Variants in DUSP15 observed in about 807,000 individuals in gnomAD.
DUSP15 encodes dual specificity protein phosphatase 15.
In DUSP15, 23 loss-of-function variants were observed where a neutral mutation model predicts 26.3. That is an observed-to-expected ratio of 0.87 (90% CI 0.63 to 1.24). DUSP15 has a LOEUF of 1.24. Ranked by LOEUF, DUSP15 falls within the 50% of genes most tolerant of loss-of-function variation. DUSP15 has a pLI of 0.00. For synonymous variants in DUSP15, 143 were observed against 135.5 expected (o/e 1.06, Z -0.39); for missense variants, 364 against 320.6 (o/e 1.14, Z -1.03).
exon 10 of DUSP15, chr20:31,848,142 T>A (rs567122024): frequency 8.5e-6 from 4 of 472,202 alleles, no homozygotes; most frequent in Non-Finnish European, 1.5e-5. Flanking sequence ...CAGCAAGAGA[T>A]GAAGTCTTGC....
chr20:31,864,577 G>A (rs752657593), intron 4 of DUSP15: 29 of 560,728 alleles, frequency 5.2e-5, no homozygotes, highest in East Asian at 1.5e-4. Flanking sequence ...GGCCCAGAGC[G>A]GGGAAGTGAT....
At position 31,870,287 on chromosome 20, in the gene DUSP15, C is replaced by G. The variant is rs1473601980; in HGVS notation, c.21+30G>C. 3 of 1,228,872 alleles carry G rather than the reference C, an allele frequency of 2.4e-6. No individual in the cohort carries two copies. Among genetic ancestry groups the G allele is most frequent in the Non-Finnish European group, 3.0e-6 (3 of 985,832 alleles). 76.1% of individuals were successfully genotyped at this position (1,228,872 alleles called of 1,614,324 possible). On this transcript the variant is annotated intron_variant, in intron 1 of 6. Coordinates refer to ENST00000339738, the MANE Select transcript of DUSP15 (RefSeq NM_080611.5). The surrounding 1 kb of genome is among the most constrained non-coding windows in gnomAD (Gnocchi z 6.6). ...GGGCCGCGGCGGCCGGGGCGGGGAC[C>G]GGGGAGGCTGCGCGGGGCCCGCCCC...
At chr20:31,851,880 G>A (rs2062475836) in intron 6 of DUSP15, among the ~76,000 whole-genome samples, 1 of 152,178 alleles carries the variant, frequency 6.6e-6, no homozygotes, top group South Asian at 2.1e-4. Context: ...GAGACAGCCT[G>A]CTATTCCCTG....
downstream of DUSP15, among the ~76,000 whole-genome samples, chr20:31,856,392 C>T (rs150527866): frequency 6.6e-5 from 10 of 151,838 alleles, no homozygotes; most frequent in East Asian, 1.4e-3. Flanking sequence ...AGGGGAGGGT[C>T]GAGGCTAGAT....
downstream of DUSP15, among the ~76,000 whole-genome samples, chr20:31,846,273 AACACAGAGACACAGACACAGACAC>A (rs1029370669): frequency 1.7e-5 from 2 of 114,546 alleles, no homozygotes; most frequent in Non-Finnish European, 3.5e-5. Flanking sequence ...CACACACAGA[AACACAGAGACACAGACACAGACAC>A]ACACACACAC....
At chr20:31,858,603 G>A (rs1184151039), downstream of DUSP15, among the ~76,000 whole-genome samples, 3 of 152,206 alleles carry the variant, frequency 2.0e-5, no homozygotes, top group South Asian at 2.1e-4. This position sits in a 1 kb window ranked among gnomAD's most constrained non-coding sequence, Gnocchi z 4.4. Flanking sequence ...CAAGACCCAC[G>A]CAAGTGGGGT....
At chr20:31,855,701 T>C (rs553888165) in intron 6 of DUSP15, among the ~76,000 whole-genome samples, 1 of 152,288 alleles carries the variant, frequency 6.6e-6, no homozygotes, top group Admixed American at 6.5e-5. Flanking sequence ...CAACCACCCA[T>C]TCAACACTTA....
chr20:31,851,797 G>A (rs939262859), intron 6 of DUSP15, among the ~76,000 whole-genome samples: 1 of 152,106 alleles, frequency 6.6e-6, no homozygotes, highest in African/African-American at 2.4e-5. Flanking sequence ...CACTTCCCAG[G>A]AGCTTCCTTC....
chr20:31,865,050 C>G (rs558397332), intron 3 of DUSP15, 48 bp from the exon 4 acceptor site: 3 of 1,606,418 alleles, frequency 1.9e-6, no homozygotes, highest in Non-Finnish European at 2.6e-6. Context: ...CTGCAACCCT[C>G]CCTGATGCTG....
rs755460266 is a variant in DUSP15, at chr20:31,862,644, G to A, written c.362C>T (p.Thr121Ile). 8 of 1,614,146 alleles carry A rather than the reference G, an allele frequency of 5.0e-6. No individual in the cohort carries two copies. In the East Asian group the frequency reaches 1.3e-4, roughly 27 times the overall value. ...WRDVLEAIKATRPIANPNPGF... is the reference protein window; with the variant it reads ...WRDVLEAIKAIRPIANPNPGF... ...TGGGTTGGGGTTGGCGATGGGCCTG[G>A]TGGCCTTGATGGCTTCAAGCACGTC... The change falls in exon 6 of 7, where the codon ACC becomes ATC. Residue 121 changes from threonine (T) to isoleucine (I), a missense_variant. Thr to Ile is a moderately conservative substitution (Grantham distance 89). Coordinates refer to ENST00000339738, the MANE Select transcript of DUSP15 (RefSeq NM_080611.5).
intron 7 of DUSP15, chr20:31,850,601 C>T (rs753630405): frequency 3.2e-5 from 51 of 1,608,238 alleles, no homozygotes; most frequent in Non-Finnish European, 4.0e-5. Context: ...GAGGGGATTT[C>T]GATTCCTTAC....
downstream of DUSP15, among the ~76,000 whole-genome samples, chr20:31,858,861 A>C (rs2062602626): frequency 6.6e-6 from 1 of 152,088 alleles, no homozygotes; most frequent in Non-Finnish European, 1.5e-5. The surrounding 1 kb of genome is among the most constrained non-coding windows in gnomAD (Gnocchi z 4.4). Context: ...GCAGAATCAG[A>C]CTTTCTGGGC....
exon 10 of DUSP15, chr20:31,848,454 A>G (rs989469290): frequency 5.6e-6 from 9 of 1,612,124 alleles, no homozygotes; most frequent in African/African-American, 5.3e-5. Flanking sequence ...AGGCAGCTGC[A>G]TTGAAGGTGA....
chr20:31,869,796 G>A, intron 1 of DUSP15, 199 bp from the exon 2 acceptor site: 14 of 1,439,402 alleles, frequency 9.7e-6, no homozygotes, highest in Non-Finnish European at 1.3e-5. Flanking sequence ...AGGCTAGGGG[G>A]CCAGTTAACC....
In DUSP15 at chr20:31,849,725, C is replaced by T. The variant is rs749205245; in HGVS notation, c.628+13G>A. On this transcript the variant is annotated intron_variant, in intron 8 of 9. Transcript: ENST00000278979. ...AACACGTGGGCGCTGGGCAATGGGT[C>T]GGGGAAGCGAACCTGCTGCAACGTG... 22 of 1,537,832 alleles carry T rather than the reference C, an allele frequency of 1.4e-5. No individual in the cohort carries two copies. In the African/African-American group the frequency reaches 3.0e-4, roughly 21 times the overall value.
In DUSP15 at chr20:31,870,454, C is replaced by G; in HGVS notation, c.-117G>C. 1 of 1,284,648 alleles carries G rather than the reference C, an allele frequency of 7.8e-7. No homozygotes were observed. The highest frequency in any genetic ancestry group is 9.8e-7 in the Non-Finnish European group (1 of 1,020,208). The allele number at this position is 1,284,648 out of a possible 1,614,324, so 79.6% of individuals were successfully genotyped here. On this transcript the variant is annotated 5_prime_UTR_variant, in exon 1 of 7. Transcript: ENST00000339738. This position sits in a 1 kb window ranked among gnomAD's most constrained non-coding sequence, Gnocchi z 6.6. ...TGCAGCCTGGCGGGGAACGGGGGGC[C>G]TGGCGTCCGCGGCCCTGCCCAGCCC...
downstream of DUSP15, among the ~76,000 whole-genome samples, chr20:31,846,522 G>A (rs2062380714): frequency 1.3e-5 from 2 of 151,008 alleles, no homozygotes; most frequent in Non-Finnish European, 3.0e-5. Context: ...AGTGAGAGAA[G>A]CCCCAGGGGC....
chr20:31,868,094 T>C (rs1263732884), intron 2 of DUSP15, among the ~76,000 whole-genome samples: 2 of 152,260 alleles, frequency 1.3e-5, no homozygotes, highest in African/African-American at 4.8e-5. Context: ...AGATCTTTTA[T>C]ATTCAGAATG....
Position 31,850,750 on chromosome 20 carries a change from G to A in DUSP15, c.427-74C>T, listed in dbSNP as rs2062455706. The A allele has an allele frequency of 2.7e-6, 4 of 1,490,030 alleles. No individual in the cohort carries two copies. The South Asian group carries it at 4.8e-5, about 18-fold the overall frequency. 92.3% of individuals were successfully genotyped at this position (1,490,030 alleles called of 1,614,324 possible). ...ACCCATAGATAAGGAGGAGGCCAGGGAGGAGGCAGGGCTGGGTGAGGAGAC... is the reference window on the plus strand; with the variant it reads ...ACCCATAGATAAGGAGGAGGCCAGGAAGGAGGCAGGGCTGGGTGAGGAGAC... On this transcript the variant is annotated intron_variant, in intron 6 of 9. Coordinates refer to the DUSP15 transcript ENST00000278979.
Sources: gnomAD v4.1 joint callset for allele counts (sites outside exome capture counted in the v4.1 genomes callset) on GRCh38, gnomAD v4.1.1 for gene constraint, Gnocchi (gnomAD v3.1) non-coding constraint, MANE v1.5 for transcripts, NCBI Gene and HGNC (gene_info 2026-07-23, HGNC 2026-07-21) for gene names.